Variants in GALNT13 observed in about 807,000 individuals in gnomAD.
GALNT13 encodes the protein UDP-GalNAc:polypeptide N-acetylgalactosaminyltransferase 13.
Under a neutral mutation model 64.2 loss-of-function variants are expected in GALNT13, and 28 were observed. The observed-to-expected ratio is 0.44, with a 90% CI of 0.32 to 0.60. GALNT13 has a LOEUF of 0.60. Ranked by LOEUF, GALNT13 falls within the 20% of genes least tolerant of loss-of-function variation. The probability of loss-of-function intolerance (pLI) is 0.05; values close to 1 mark genes in which losing one functional copy is unlikely to be tolerated. For synonymous variants in GALNT13, 214 were observed against 224.6 expected, an observed-to-expected ratio of 0.95 and a Z score of 0.42; for missense variants, 577 against 669.8, an observed-to-expected ratio of 0.86 and a Z score of 1.53.
the GALNT13 span, among the ~76,000 whole-genome samples, chr2:153,410,044 C>T: frequency 6.6e-6 from 1 of 152,126 alleles, no homozygotes; most frequent in Non-Finnish European, 1.5e-5. Context: ...GATTAGAATA[C>T]TAGGAAACAA....
chr2:153,693,267 T>C, the GALNT13 span, among the ~76,000 whole-genome samples: 11 of 152,294 alleles, frequency 7.2e-5, no homozygotes, highest in South Asian at 1.0e-3. Flanking sequence ...ATACAGACTT[T>C]TGAATTTTGA....
the GALNT13 span, among the ~76,000 whole-genome samples, chr2:153,711,347 G>A: frequency 2.0e-5 from 3 of 152,110 alleles, no homozygotes; most frequent in Non-Finnish European, 4.4e-5. Flanking sequence ...ACTTGAAATA[G>A]CTCAAGCTAT....
chr2:153,774,937 C>G, the GALNT13 span, among the ~76,000 whole-genome samples: 1 of 152,118 alleles, frequency 6.6e-6, no homozygotes, highest in East Asian at 1.9e-4. Context: ...ACAATAATTT[C>G]TGGTGTTGTA....
intron 12 of GALNT13, among the ~76,000 whole-genome samples, chr2:154,449,091 T>C (rs778397501): frequency 2.4e-4 from 37 of 152,052 alleles, no homozygotes; most frequent in Non-Finnish European, 4.9e-4. Flanking sequence ...AAATCAGCCA[T>C]CTTCTTGCCT....
the GALNT13 span, among the ~76,000 whole-genome samples, chr2:153,216,099 C>T: frequency 0.83 from 126,654 of 151,890 alleles, 53,999 homozygotes; most frequent in African/African-American, 0.93. Context: ...TTGGTTGGAC[C>T]TCTTTCAATG....
At chr2:153,719,462 G>C in the GALNT13 span, among the ~76,000 whole-genome samples, 1 of 152,174 alleles carries the variant, frequency 6.6e-6, no homozygotes, top group Non-Finnish European at 1.5e-5. Context: ...GAGGAGCCAA[G>C]ATGGCCGAAT....
chr2:153,994,006 G>T (rs1003077574), intron 3 of GALNT13, among the ~76,000 whole-genome samples: 10 of 151,982 alleles, frequency 6.6e-5, no homozygotes, highest in Admixed American at 2.0e-4. Flanking sequence ...ATGTTGGTGT[G>T]CTGCACCCAT....
chr2:153,392,275 T>A, the GALNT13 span, among the ~76,000 whole-genome samples: 2 of 151,738 alleles, frequency 1.3e-5, no homozygotes, highest in Non-Finnish European at 2.9e-5. Context: ...GTCTTGAGAT[T>A]TTTGAAGTGC....
the GALNT13 span, among the ~76,000 whole-genome samples, chr2:153,409,698 C>T: frequency 6.6e-6 from 1 of 151,668 alleles, no homozygotes; most frequent in African/African-American, 2.4e-5. Context: ...AAAGGCTAAA[C>T]TAAGAAATAA....
At chr2:153,380,595 A>G in the GALNT13 span, among the ~76,000 whole-genome samples, 1 of 152,054 alleles carries the variant, frequency 6.6e-6, no homozygotes, top group South Asian at 2.1e-4. Context: ...GGTCCTGGAA[A>G]CAATAGCCTA....
chr2:154,218,197 GAGCAT>G (rs1688145870), intron 4 of GALNT13, among the ~76,000 whole-genome samples: 1 of 152,146 alleles, frequency 6.6e-6, no homozygotes, highest in African/African-American at 2.4e-5. Flanking sequence ...CAGTGAGCCT[GAGCAT>G]TAACATTCAA....
the GALNT13 span, among the ~76,000 whole-genome samples, chr2:153,580,896 T>C: frequency 4.6e-5 from 7 of 152,176 alleles, no homozygotes; most frequent in Admixed American, 1.3e-4. Flanking sequence ...TCAATTATCT[T>C]TTCCCCTGAT....
intron 9 of GALNT13, among the ~76,000 whole-genome samples, chr2:154,327,017 C>T (rs114761660): frequency 1.1e-3 from 171 of 152,168 alleles, no homozygotes; most frequent in African/African-American, 4.0e-3. Context: ...CAACCCAGAT[C>T]TCATCTTGAA....
At chr2:154,326,583 TA>T (rs1175080634) in intron 9 of GALNT13, among the ~76,000 whole-genome samples, 1 of 152,120 alleles carries the variant, frequency 6.6e-6, no homozygotes, top group African/African-American at 2.4e-5. Flanking sequence ...GAATATTTGC[TA>T]AAACAGCCCT....
At chr2:153,595,918 T>C in the GALNT13 span, among the ~76,000 whole-genome samples, 1 of 152,210 alleles carries the variant, frequency 6.6e-6, no homozygotes, top group Admixed American at 6.5e-5. Context: ...AAATATTTAA[T>C]GGCTTAAAAC....
At chr2:153,473,759 C>G in the GALNT13 span, among the ~76,000 whole-genome samples, 1 of 152,180 alleles carries the variant, frequency 6.6e-6, no homozygotes, top group Non-Finnish European at 1.5e-5. Flanking sequence ...AAGGAAGGCT[C>G]TAAACTGCAT....
At chr2:154,005,507 T>G (rs1405073916) in intron 3 of GALNT13, among the ~76,000 whole-genome samples, 1 of 152,152 alleles carries the variant, frequency 6.6e-6, no homozygotes, top group Non-Finnish European at 1.5e-5. Context: ...GGTTGGAATT[T>G]ATGGCCCCAA....
chr2:154,112,679 A>C (rs974557978), intron 3 of GALNT13, among the ~76,000 whole-genome samples: 1 of 152,310 alleles, frequency 6.6e-6, no homozygotes, highest in South Asian at 2.1e-4. Context: ...AGTTCTGCCC[A>C]CTGGGAAGAT....
intron 2 of GALNT13, among the ~76,000 whole-genome samples, chr2:153,910,462 C>G (rs965252151): frequency 6.6e-6 from 1 of 151,946 alleles, no homozygotes; most frequent in African/African-American, 2.4e-5. Context: ...ATGTTTGTTT[C>G]TGGTCTTCTG....
Sources: gnomAD v4.1 joint callset for allele counts (sites outside exome capture counted in the v4.1 genomes callset) on GRCh38, gnomAD v4.1.1 for gene constraint, MANE v1.5 for transcripts, NCBI Gene and HGNC (gene_info 2026-07-23, HGNC 2026-07-21) for gene names.